Variants in PCDH7 observed in about 807,000 individuals in gnomAD.
PCDH7 encodes the protein protocadherin-7.
PCDH7 carries 17 observed loss-of-function variants against 58.9 expected under a neutral mutation model. The ratio of observed to expected loss-of-function variants is 0.29; its 90% CI spans 0.20 to 0.43. The LOEUF (loss-of-function observed/expected upper bound fraction) is 0.43, where lower values mean the gene tolerates loss of function less well. Among genes scored for constraint, PCDH7 ranks in the 20% least tolerant of loss-of-function variants. The pLI, the probability that PCDH7 is intolerant of heterozygous loss-of-function variation, is 1.00. For synonymous variants in PCDH7, 664 were observed against 616.4 expected, an observed-to-expected ratio of 1.08 and a Z score of -1.14; for missense variants, 1,274 against 1,441.0, an observed-to-expected ratio of 0.88 and a Z score of 1.88.
chr4:31,091,428 T>C (rs903626521), intron 3 of PCDH7, among the ~76,000 whole-genome samples: 1 of 151,880 alleles, frequency 6.6e-6, no homozygotes, highest in African/African-American at 2.4e-5. Flanking sequence ...ATATACTTTT[T>C]AATTTGAAAA....
At chr4:30,852,609 TA>T (rs1170152086) in intron 1 of PCDH7, among the ~76,000 whole-genome samples, 1 of 152,002 alleles carries the variant, frequency 6.6e-6, no homozygotes, top group Non-Finnish European at 1.5e-5. Flanking sequence ...TATTGAATCA[TA>T]ATGGTCCTTC....
At chr4:30,969,723 C>T (rs1480407795) in intron 3 of PCDH7, among the ~76,000 whole-genome samples, 6 of 152,092 alleles carry the variant, frequency 3.9e-5, no homozygotes, top group Non-Finnish European at 8.8e-5. Flanking sequence ...AAACATATGA[C>T]TTTAAAGTAT....
chr4:30,927,719 T>G (rs548024384), intron 2 of PCDH7, among the ~76,000 whole-genome samples: 2 of 152,230 alleles, frequency 1.3e-5, no homozygotes, highest in South Asian at 4.1e-4. Flanking sequence ...ACAAACACTG[T>G]GGAAGGCCGC....
intron 3 of PCDH7, among the ~76,000 whole-genome samples, chr4:31,132,569 T>G (rs1303442569): frequency 6.6e-6 from 1 of 152,174 alleles, no homozygotes; most frequent in Non-Finnish European, 1.5e-5. Context: ...CTAGTTATGA[T>G]GTAAAATTTG....
intron 1 of PCDH7, among the ~76,000 whole-genome samples, chr4:30,882,560 C>G (rs183463649): frequency 6.6e-6 from 1 of 152,222 alleles, no homozygotes; most frequent in South Asian, 2.1e-4. Flanking sequence ...ACTGAGCATG[C>G]TTTTCTAGTG....
intron 1 of PCDH7, among the ~76,000 whole-genome samples, chr4:30,784,995 A>T (rs996258934): frequency 1.3e-5 from 2 of 152,046 alleles, no homozygotes; most frequent in Non-Finnish European, 2.9e-5. Context: ...ATATGCATGT[A>T]TTCATTAATC....
downstream of PCDH7, chr4:31,144,013 C>T (rs1461694616): frequency 6.6e-6 from 1 of 152,148 alleles, no homozygotes; most frequent in Non-Finnish European, 1.5e-5. Context: ...AAGAAAGATG[C>T]ATTGGCATAT....
intron 3 of PCDH7, among the ~76,000 whole-genome samples, chr4:30,981,897 C>T (rs1750604211): frequency 6.6e-6 from 1 of 152,136 alleles, no homozygotes. Context: ...CCATTGTTGG[C>T]AGCCTATGTT....
chr4:30,815,850 CAA>C (rs1727605185), intron 1 of PCDH7, among the ~76,000 whole-genome samples: 1 of 152,300 alleles, frequency 6.6e-6, no homozygotes, highest in Non-Finnish European at 1.5e-5. Flanking sequence ...GACAGTTTAA[CAA>C]CTGCCTGATC....
chr4:30,858,892 C>T (rs1348878674), intron 1 of PCDH7, among the ~76,000 whole-genome samples: 2 of 152,060 alleles, frequency 1.3e-5, no homozygotes, highest in Non-Finnish European at 2.9e-5. Context: ...TTCTAACATG[C>T]CACATGCTAT....
chr4:30,994,360 C>T (rs548068094), intron 3 of PCDH7, among the ~76,000 whole-genome samples: 6 of 152,256 alleles, frequency 3.9e-5, no homozygotes, highest in African/African-American at 1.4e-4. Flanking sequence ...GACACGATGA[C>T]CCATGACAGC....
At chr4:30,913,391 AT>A (rs1742029068) in intron 1 of PCDH7, among the ~76,000 whole-genome samples, 1 of 152,150 alleles carries the variant, frequency 6.6e-6, no homozygotes, top group African/African-American at 2.4e-5. Context: ...CTTTCTAGAG[AT>A]TTAAAAATAT....
intron 1 of PCDH7, among the ~76,000 whole-genome samples, chr4:30,780,160 A>T (rs895932621): frequency 6.6e-5 from 10 of 152,180 alleles, no homozygotes; most frequent in Non-Finnish European, 1.3e-4. Flanking sequence ...GGTATGGTCT[A>T]TTTGTAGTAA....
At chr4:30,949,490 A>G (rs1172843183) in intron 2 of PCDH7, among the ~76,000 whole-genome samples, 1 of 152,152 alleles carries the variant, frequency 6.6e-6, no homozygotes, top group Non-Finnish European at 1.5e-5. Context: ...ACTTTTTGAA[A>G]GTATACATAG....
At chr4:30,759,726 TAAATG>T in intron 1 of PCDH7, among the ~76,000 whole-genome samples, 1 of 152,286 alleles carries the variant, frequency 6.6e-6, no homozygotes, top group Non-Finnish European at 1.5e-5. Context: ...AATCTTTCAT[TAAATG>T]AAAGATTCAT....
downstream of PCDH7, chr4:31,144,735 T>C (rs922873813): frequency 1.3e-5 from 2 of 152,188 alleles, no homozygotes; most frequent in African/African-American, 4.8e-5. Flanking sequence ...CCTTATGCTC[T>C]TTCTTAAATG....
chr4:30,763,109 GCTA>G (rs1480105331), intron 1 of PCDH7, among the ~76,000 whole-genome samples: 1 of 152,124 alleles, frequency 6.6e-6, no homozygotes, highest in Non-Finnish European at 1.5e-5. Flanking sequence ...TGTAATCCCA[GCTA>G]CTCAGGAGGC....
chr4:30,914,572 A>G (rs1049646508), intron 1 of PCDH7, among the ~76,000 whole-genome samples: 2 of 152,194 alleles, frequency 1.3e-5, no homozygotes, highest in African/African-American at 4.8e-5. Flanking sequence ...TAATAGGATA[A>G]TTAGGTTTGA....
chr4:31,066,055 A>G (rs771071551), intron 3 of PCDH7, among the ~76,000 whole-genome samples: 1 of 151,838 alleles, frequency 6.6e-6, no homozygotes, highest in Non-Finnish European at 1.5e-5. Flanking sequence ...CTTCTATCAC[A>G]CTAACCAATG....
Sources: gnomAD v4.1 joint callset for allele counts (sites outside exome capture counted in the v4.1 genomes callset) on GRCh38, gnomAD v4.1.1 for gene constraint, MANE v1.5 for transcripts, NCBI Gene and HGNC (gene_info 2026-07-23, HGNC 2026-07-21) for gene names.